The following ZCCHC24 variants were observed in gnomAD, a reference collection of about 807,000 sequenced individuals.
The protein encoded by ZCCHC24 is zinc finger CCHC-type containing 24.
Under a neutral mutation model 26.2 loss-of-function variants are expected in ZCCHC24, and 10 were observed. The observed-to-expected ratio is 0.38, with a 90% confidence interval of 0.24 to 0.65. The LOEUF (loss-of-function observed/expected upper bound fraction) is 0.65. ZCCHC24 is among the 30% of genes least tolerant of loss of function. The pLI is 0.54. For synonymous variants in ZCCHC24, 144 were observed against 147.1 expected, an observed-to-expected ratio of 0.98 and a Z score of 0.15; for missense variants, 243 against 329.1, an observed-to-expected ratio of 0.74 and a Z score of 2.03.
At chr10:79,410,552 A>G (rs1220765941) in intron 2 of ZCCHC24, among the ~76,000 whole-genome samples, 1 of 152,196 alleles carries the variant, frequency 6.6e-6, no homozygotes, top group African/African-American at 2.4e-5. Flanking sequence ...CAGCCTGTGC[A>G]AAGGGCTAGA....
At chr10:79,397,893 C>A (rs942265785) in intron 2 of ZCCHC24, among the ~76,000 whole-genome samples, 7 of 152,146 alleles carry the variant, frequency 4.6e-5, no homozygotes, top group Non-Finnish European at 7.4e-5. Flanking sequence ...GAATTTGTTC[C>A]CAGAGCCCCT....
chr10:79,419,168 A>C (rs191381402), intron 2 of ZCCHC24, among the ~76,000 whole-genome samples: 1 of 152,296 alleles, frequency 6.6e-6, no homozygotes, highest in Admixed American at 6.5e-5. Context: ...CCCTCACACC[A>C]ACCCTCCCAT....
chr10:79,402,869 C>G (rs1856655626), intron 2 of ZCCHC24, among the ~76,000 whole-genome samples: 1 of 152,212 alleles, frequency 6.6e-6, no homozygotes, highest in Non-Finnish European at 1.5e-5. Context: ...AAAGCCTGCT[C>G]CTAGGAACAC....
At chr10:79,392,611 A>G (rs1434131592) in intron 3 of ZCCHC24, among the ~76,000 whole-genome samples, 7 of 152,176 alleles carry the variant, frequency 4.6e-5, no homozygotes, top group Admixed American at 4.6e-4. Context: ...ACCCAGCCCA[A>G]GGGCTCCTTC....
chr10:79,431,056 A>G (rs1464963801), intron 2 of ZCCHC24, among the ~76,000 whole-genome samples: 4 of 152,260 alleles, frequency 2.6e-5, no homozygotes, highest in African/African-American at 9.6e-5. Context: ...GAGAGCACTC[A>G]GCACAGTGCC....
At chr10:79,430,686 C>CACACACACA (rs370025190) in intron 2 of ZCCHC24, among the ~76,000 whole-genome samples, 7,475 of 140,536 alleles carry the variant, frequency 0.053, 259 homozygotes, top group Middle Eastern at 0.12. Context: ...CACACACACA[C>CACACACACA]CACACACACA....
chr10:79,438,074 G>A (rs1055617930), intron 1 of ZCCHC24, among the ~76,000 whole-genome samples: 2 of 152,150 alleles, frequency 1.3e-5, no homozygotes, highest in African/African-American at 2.4e-5. Flanking sequence ...ACCAGGCACG[G>A]CAGAAGCAAG....
intron 2 of ZCCHC24, 111 bp downstream of exon 2, chr10:79,432,447 C>A: frequency 8.9e-7 from 1 of 1,127,448 alleles, no homozygotes; most frequent in East Asian, 2.8e-5. Flanking sequence ...CGGGGCCACT[C>A]ATTGGTGGAA....
intron 3 of ZCCHC24, among the ~76,000 whole-genome samples, chr10:79,389,737 TC>T (rs1315713949): frequency 1.3e-5 from 2 of 152,016 alleles, no homozygotes; most frequent in Non-Finnish European, 2.9e-5. Flanking sequence ...TGCCTCAGCC[TC>T]CCAAGTAGCT....
intron 2 of ZCCHC24, among the ~76,000 whole-genome samples, chr10:79,428,858 CAACAAATTA>C (rs895074458): frequency 6.6e-6 from 1 of 151,714 alleles, no homozygotes; most frequent in Non-Finnish European, 1.5e-5. Context: ...AACTGTATGC[CAACAAATTA>C]GACAAATTAG....
chr10:79,408,092 C>T (rs1201168098), intron 2 of ZCCHC24, among the ~76,000 whole-genome samples: 1 of 152,224 alleles, frequency 6.6e-6, no homozygotes, highest in Non-Finnish European at 1.5e-5. Context: ...CCCCCACCTC[C>T]ACCACCGATG....
chr10:79,422,301 G>A (rs531385595), intron 2 of ZCCHC24, among the ~76,000 whole-genome samples: 11 of 152,238 alleles, frequency 7.2e-5, no homozygotes, highest in African/African-American at 2.6e-4. Flanking sequence ...GACCTGCAGT[G>A]AGGTCAGGGT....
At chr10:79,408,303 C>G (rs538939381) in intron 2 of ZCCHC24, among the ~76,000 whole-genome samples, 1 of 152,284 alleles carries the variant, frequency 6.6e-6, no homozygotes, top group African/African-American at 2.4e-5. Flanking sequence ...CTCAGTTTCC[C>G]TGCAGGGAGC....
intron 1 of ZCCHC24, among the ~76,000 whole-genome samples, chr10:79,433,273 G>A (rs1033493657): frequency 3.9e-5 from 6 of 152,156 alleles, no homozygotes; most frequent in Non-Finnish European, 7.4e-5. Flanking sequence ...CATTGCTCCC[G>A]CTTCACACTA....
intron 2 of ZCCHC24, among the ~76,000 whole-genome samples, chr10:79,405,945 G>A (rs116819105): frequency 0.011 from 1,705 of 152,336 alleles, 35 homozygotes; most frequent in African/African-American, 0.039. Flanking sequence ...TTCCAGCCTC[G>A]CAAAACCCTC....
intron 2 of ZCCHC24, among the ~76,000 whole-genome samples, chr10:79,414,606 C>T (rs187918098): frequency 6.6e-6 from 1 of 152,310 alleles, no homozygotes; most frequent in East Asian, 1.9e-4. Context: ...TGTAATCTTG[C>T]ATTCCCAGGA....
intron 1 of ZCCHC24, chr10:79,443,969 C>T (rs1857322743): frequency 8.2e-7 from 1 of 1,213,794 alleles, no homozygotes; most frequent in Non-Finnish European, 1.1e-6. Flanking sequence ...ATGTCCATGC[C>T]TCCCCTAGTA....
chr10:79,387,801 G>T (rs1330958654), intron 3 of ZCCHC24, among the ~76,000 whole-genome samples: 2 of 152,238 alleles, frequency 1.3e-5, no homozygotes, highest in Non-Finnish European at 2.9e-5. Context: ...TCTGGGAATG[G>T]AAGAGTCAGA....
At chr10:79,403,479 G>T in intron 2 of ZCCHC24, 2 of 985,446 alleles carry the variant, frequency 2.0e-6, no homozygotes, top group Non-Finnish European at 2.4e-6. Context: ...CTGCAGCCTG[G>T]TCTGGGCAGC....
Sources: allele counts gnomAD v4.1 joint callset (sites outside exome capture counted in the v4.1 genomes callset), GRCh38; gene constraint gnomAD v4.1.1; transcripts MANE v1.5; gene names NCBI Gene and HGNC (gene_info 2026-07-23, HGNC 2026-07-21).